The following DOCK2 variants were observed in gnomAD, a reference collection of about 807,000 sequenced individuals.
DOCK2 encodes the protein dedicator of cytokinesis protein 2.
DOCK2 carries 87 observed loss-of-function variants against 248.9 expected under a neutral mutation model. The observed-to-expected ratio is 0.35, with a 90% confidence interval of 0.29 to 0.42. The LOEUF (loss-of-function observed/expected upper bound fraction) is 0.42, where lower values mean the gene tolerates loss of function less well. Ranked by LOEUF, DOCK2 falls within the 10% of genes least tolerant of loss-of-function variation. DOCK2 has a pLI of 1.00. For missense variants in DOCK2, 1,747 were observed against 2,300.2 expected (o/e 0.76, Z 4.92); for synonymous variants, 805 against 821.6 (o/e 0.98, Z 0.35).
chr5:169,871,802 G>A (rs778021176), intron 27 of DOCK2, among the ~76,000 whole-genome samples: 9 of 152,290 alleles, frequency 5.9e-5, no homozygotes, highest in East Asian at 3.9e-4. Context: ...CATGGGGGAC[G>A]CTTTATGGAC....
chr5:169,900,051 C>T (rs1254187355), intron 27 of DOCK2, among the ~76,000 whole-genome samples: 2 of 152,196 alleles, frequency 1.3e-5, no homozygotes, highest in Non-Finnish European at 2.9e-5. Context: ...TTTCCTCCTT[C>T]CCTCTCTCCA....
chr5:169,766,629 G>A (rs1764812733), intron 25 of DOCK2, among the ~76,000 whole-genome samples: 1 of 152,204 alleles, frequency 6.6e-6, no homozygotes, highest in South Asian at 2.1e-4. Context: ...GGGTCGAGGG[G>A]TAGTTCTGTT....
At position 169,983,115 on chromosome 5, in the gene DOCK2, C is replaced by T. The variant is rs1159897786; in HGVS notation, c.2847C>T (p.Asp949=). The T allele has an allele frequency of 1.4e-5, 22 of 1,614,058 alleles. No individual in the cohort carries two copies. Among genetic ancestry groups the T allele is most frequent in the Non-Finnish European group, 1.9e-5 (22 of 1,179,922 alleles). ...CAGCCATCTTAAACCAGATGGGTGA[C>T]CAGCACTACTCCTTCTACATTGAGA... ...CMTAILNQMG[D]QHYSFYIETF... Residue 949 remains aspartate (D), a synonymous_variant, in exon 28 of 52, where the codon GAC becomes GAT. Transcript: ENST00000520908.
At chr5:169,683,392 G>A (rs888487934) in intron 7 of DOCK2, among the ~76,000 whole-genome samples, 2 of 91,176 alleles carry the variant, frequency 2.2e-5, no homozygotes, top group African/African-American at 4.6e-5. Flanking sequence ...AACATGCCTG[G>A]CTAATTTTTT....
chr5:169,821,638 A>G (rs2113237743), intron 26 of DOCK2, among the ~76,000 whole-genome samples: 1 of 152,364 alleles, frequency 6.6e-6, no homozygotes, highest in East Asian at 1.9e-4. Flanking sequence ...CATGGAAAGG[A>G]ACAACCAGTA....
chr5:169,994,429 C>T (rs1778284337), intron 29 of DOCK2, among the ~76,000 whole-genome samples: 1 of 152,110 alleles, frequency 6.6e-6, no homozygotes, highest in Admixed American at 6.5e-5. Flanking sequence ...CAGACCCTGC[C>T]CTGCAGAAGC....
intron 27 of DOCK2, among the ~76,000 whole-genome samples, chr5:169,923,598 C>T (rs919248573): frequency 1.3e-5 from 2 of 152,142 alleles, no homozygotes; most frequent in Non-Finnish European, 1.5e-5. Context: ...ACCTTGGGCA[C>T]GTCTCTATCC....
intron 24 of DOCK2, 171 bp from the exon 25 acceptor site, chr5:169,761,348 T>C (rs1764478370): frequency 1.6e-6 from 1 of 620,666 alleles, no homozygotes; most frequent in East Asian, 2.6e-5. Flanking sequence ...ACTAATATTC[T>C]ATACCAAGAA....
intron 25 of DOCK2, among the ~76,000 whole-genome samples, chr5:169,771,026 A>G (rs1447976490): frequency 1.3e-5 from 2 of 152,100 alleles, no homozygotes; most frequent in Admixed American, 1.3e-4. Flanking sequence ...GATAGTGAAC[A>G]CTCTTTTCCA....
chr5:169,963,248 A>G (rs1274580823), intron 27 of DOCK2, among the ~76,000 whole-genome samples: 1 of 152,132 alleles, frequency 6.6e-6, no homozygotes, highest in Non-Finnish European at 1.5e-5. Flanking sequence ...ATGTCCATGA[A>G]CTGATGAGAT....
intron 39 of DOCK2, 65 bp from the exon 40 acceptor site, chr5:170,047,445 T>C (rs2113849834): frequency 6.9e-7 from 1 of 1,452,960 alleles, no homozygotes; most frequent in Non-Finnish European, 9.6e-7. Context: ...CACCAAGGCC[T>C]CTTTGAGTTG....
chr5:169,731,367 A>C (rs1367273032), intron 22 of DOCK2, among the ~76,000 whole-genome samples: 1 of 152,022 alleles, frequency 6.6e-6, no homozygotes, highest in East Asian at 1.9e-4. Flanking sequence ...GTCTCATGAG[A>C]TCTGATGGTT....
intron 27 of DOCK2, among the ~76,000 whole-genome samples, chr5:169,892,711 ATC>A (rs1773367443): frequency 6.6e-6 from 1 of 152,140 alleles, no homozygotes; most frequent in Non-Finnish European, 1.5e-5. Flanking sequence ...CTTCTACCTT[ATC>A]TTTCTTTTTT....
intron 22 of DOCK2, 150 bp downstream of exon 22, chr5:169,718,941 T>C (rs76093814): frequency 9.4e-7 from 1 of 1,061,160 alleles, no homozygotes; most frequent in East Asian, 2.7e-5. Context: ...GAGTAATGAA[T>C]ATGTAATAAT....
chr5:169,725,604 C>T (rs1159228835), intron 22 of DOCK2, among the ~76,000 whole-genome samples: 14 of 152,180 alleles, frequency 9.2e-5, no homozygotes, highest in African/African-American at 3.4e-4. Flanking sequence ...GTTTGCTGCA[C>T]CCATCAGCTC....
chr5:169,644,442 T>G (rs1757335627), intron 1 of DOCK2, among the ~76,000 whole-genome samples: 1 of 151,970 alleles, frequency 6.6e-6, no homozygotes, highest in Admixed American at 6.6e-5. Context: ...GTTTTCCTCT[T>G]GGAATGGATG....
intron 2 of DOCK2, among the ~76,000 whole-genome samples, chr5:169,659,588 C>T (rs1210430852): frequency 5.3e-5 from 8 of 152,158 alleles, no homozygotes; most frequent in Admixed American, 5.2e-4. Context: ...GAAGCTTAAA[C>T]AAGGGTGAAT....
At position 170,018,910 on chromosome 5, in the gene DOCK2, C is replaced by A. The variant is rs180720857; in HGVS notation, c.3233-50C>A. ...TCCCCAGGCTTGGTCGGAGGAGGACCTGTGCGTCGCCGAACTGTTTTATGT... is the reference window on the plus strand; with the variant it reads ...TCCCCAGGCTTGGTCGGAGGAGGACATGTGCGTCGCCGAACTGTTTTATGT... On this transcript the variant is annotated intron_variant, in intron 32 of 51. Transcript: ENST00000520908. The A allele has an allele frequency of 5.6e-5, 89 of 1,596,044 alleles. No individual in the cohort carries two copies. In the Middle Eastern group the frequency reaches 8.4e-4, roughly 15 times the overall value.
intron 26 of DOCK2, among the ~76,000 whole-genome samples, chr5:169,806,812 C>A (rs1222096061): frequency 1.3e-5 from 2 of 152,062 alleles, no homozygotes; most frequent in African/African-American, 2.4e-5. Context: ...GGGGAGGGGA[C>A]AACTTTCCAA....
Sources: gnomAD v4.1 joint callset for allele counts (sites outside exome capture counted in the v4.1 genomes callset) on GRCh38, gnomAD v4.1.1 for gene constraint, MANE v1.5 for transcripts, NCBI Gene and HGNC (gene_info 2026-07-23, HGNC 2026-07-21) for gene names.